Variants in DDX20 observed in about 807,000 individuals in gnomAD.
DDX20 encodes probable ATP-dependent RNA helicase DDX20.
In DDX20, 61 loss-of-function variants were observed where a neutral mutation model predicts 76.4. That is an observed-to-expected ratio of 0.80 (90% CI 0.65 to 0.99). The LOEUF is 0.99. Ranked by LOEUF, DDX20 falls within the 50% of genes least tolerant of loss-of-function variation. The probability of loss-of-function intolerance (pLI) is 0.00; values close to 1 mark genes in which losing one functional copy is unlikely to be tolerated. For synonymous variants in DDX20, 357 were observed against 357.4 expected (o/e 1.00, Z 0.01); for missense variants, 976 against 996.8 (o/e 0.98, Z 0.28).
chr1:111,762,547 C>G, intron 8 of DDX20, 130 bp from the exon 9 acceptor site: 1 of 890,546 alleles, frequency 1.1e-6, no homozygotes, highest in Non-Finnish European at 1.7e-6. Context: ...GAATGAATTT[C>G]CTTTTCCTCT....
chr1:111,756,736 C>G lies in DDX20; in HGVS notation c.392C>G (p.Thr131Ser), dbSNP rs1213548368. Residue 131 changes from threonine (T) to serine (S), a missense_variant, in exon 2 of 11, where the codon ACC becomes AGC. Coordinates refer to ENST00000369702, the MANE Select transcript of DDX20 (RefSeq NM_007204.5). ...TCTCTTGTTCTTGAAAACTTAAGTACCCAGGTGAGTTAGCTGAGAGGACCA... is the reference window on the plus strand; with the variant it reads ...TCTCTTGTTCTTGAAAACTTAAGTAGCCAGGTGAGTTAGCTGAGAGGACCA... ...LDSLVLENLS[T>S]QILILAPTRE... The G allele has an allele frequency of 6.2e-7, 1 of 1,613,386 alleles. No homozygotes were observed. Among genetic ancestry groups the G allele is most frequent in the Non-Finnish European group, 8.5e-7 (1 of 1,179,382 alleles).
chr1:111,760,873 T>C lies in DDX20; in HGVS notation c.823+25T>C, dbSNP rs370983461. 23 of 1,596,450 alleles carry C rather than the reference T, an allele frequency of 1.4e-5. No homozygotes were observed. The South Asian group carries it at 2.1e-4, about 14-fold the overall frequency. On this transcript the variant is annotated intron_variant, in intron 5 of 10. Coordinates refer to ENST00000369702, the MANE Select transcript of DDX20 (RefSeq NM_007204.5). The stretch of plus-strand genomic sequence containing the variant: ...GGTGTGTACAGCTTTTAGGTACTTA[T>C]ATTATTGGTTTATTTGTGATATGCT...
chr1:111,763,495 C>T (rs1012727095), intron 10 of DDX20, among the ~76,000 whole-genome samples: 1 of 151,716 alleles, frequency 6.6e-6, no homozygotes, highest in African/African-American at 2.4e-5. Context: ...TCGCTTGAAC[C>T]CAGGAGGTGG....
Position 111,762,976 on chromosome 1 carries a change from G to T in DDX20, c.1281G>T (p.Gln427His). Residue 427 changes from glutamine to histidine, a missense_variant, in exon 10 of 11, where the codon CAG becomes CAT. Gln to His is a conservative substitution (Grantham distance 24). Transcript: ENST00000369702. ...AAAATATGATGATGAGAATTGCCCA[G>T]AAATGTAATATCAACCTTCTCCCTT... ...EEENMMMRIAQKCNINLLPLP... is the reference protein window; with the variant it reads ...EEENMMMRIAHKCNINLLPLP... 1 of 1,613,882 alleles carries T rather than the reference G, an allele frequency of 6.2e-7. No individual in the cohort carries two copies. The highest frequency in any genetic ancestry group is 8.5e-7 in the Non-Finnish European group (1 of 1,179,816).
intron 8 of DDX20, 96 bp downstream of exon 8, chr1:111,762,433 C>T: frequency 9.8e-7 from 1 of 1,022,236 alleles, no homozygotes; most frequent in Non-Finnish European, 1.5e-6. Flanking sequence ...GTAGGCGTAT[C>T]TAACAAGAAT....
chr1:111,761,994 C>T, intron 7 of DDX20: 1 of 310,366 alleles, frequency 3.2e-6, no homozygotes, highest in Non-Finnish European at 5.9e-6. Context: ...TGTAACTTTG[C>T]AAATAGAATG....
chr1:111,762,475 G>T, intron 8 of DDX20, 138 bp downstream of exon 8: 1 of 853,578 alleles, frequency 1.2e-6, no homozygotes. Context: ...CAGTGCTGAG[G>T]AAAATACTTT....
intron 10 of DDX20, among the ~76,000 whole-genome samples, chr1:111,763,729 T>C (rs942253986): frequency 2.0e-5 from 3 of 152,242 alleles, no homozygotes; most frequent in Admixed American, 1.3e-4. Flanking sequence ...TTTGTCACCA[T>C]GTGGAAAGAA....
Position 111,760,995 on chromosome 1 carries a change from C to G in DDX20, c.832C>G (p.Gln278Glu). The change falls in exon 6 of 11, where the codon CAG becomes GAG. Residue 278 changes from glutamine (Q) to glutamate (E), a missense_variant. Gln to Glu is a conservative substitution (Grantham distance 29, BLOSUM62 2). Coordinates refer to ENST00000369702, the MANE Select transcript of DDX20 (RefSeq NM_007204.5). ...SSDPSLIGLK[Q>E]YYKVVNSYPL... is the part of the protein sequence containing the mutation. ...ATAGCTCTTCTTTGTAGGTTTGAAG[C>G]AGTATTACAAAGTTGTCAATTCATA... 2.5e-6 allele frequency: 4 copies of G among 1,612,644 alleles called. No individual in the cohort carries two copies. The highest frequency in any genetic ancestry group is 3.4e-6 in the Non-Finnish European group (4 of 1,179,594).
intron 3 of DDX20, among the ~76,000 whole-genome samples, chr1:111,760,009 T>G (rs197403): frequency 0.036 from 5,312 of 149,482 alleles, 315 homozygotes; most frequent in African/African-American, 0.13. Flanking sequence ...ATGAAGAGCA[T>G]TAGACCAGTG....
chr1:111,762,161 A>G (rs1038851847), intron 7 of DDX20, 94 bp from the exon 8 acceptor site: 2 of 911,748 alleles, frequency 2.2e-6, no homozygotes, highest in Non-Finnish European at 3.4e-6. Flanking sequence ...TAAAAGTGTT[A>G]AGACTGGGTG....
Position 111,766,767 on chromosome 1 carries a change from C to T in DDX20, c.2343C>T (p.Tyr781=), listed in dbSNP as rs528164028. The change falls in exon 11 of 11, where the codon TAC becomes TAT. Residue 781 remains tyrosine (Y), a synonymous_variant. Coordinates refer to ENST00000369702, the MANE Select transcript of DDX20 (RefSeq NM_007204.5). ...ATGAGGAGTACTGGAGAGCTTACTA[C>T]AGGGCATGGCAAGAATATTATGCTG... The part of the protein sequence containing the change: ...QDYEEYWRAY[Y]RAWQEYYAAA... The T allele has an allele frequency of 2.5e-6, 4 of 1,614,152 alleles. No individual in the cohort carries two copies.
At chr1:111,756,309 A>T in intron 1 of DDX20, 84 bp downstream of exon 1, 1 of 1,335,258 alleles carries the variant, frequency 7.5e-7, no homozygotes, top group Non-Finnish European at 9.7e-7. Flanking sequence ...CCCGCGCCGC[A>T]GCTCAGGAAG....
chr1:111,759,676 A>G, intron 3 of DDX20, 108 bp downstream of exon 3: 1 of 1,252,858 alleles, frequency 8.0e-7, no homozygotes, highest in Non-Finnish European at 1.1e-6. Context: ...AATTATTTTG[A>G]TTAGAAATGA....
intron 8 of DDX20, 88 bp downstream of exon 8, chr1:111,762,425 A>T (rs1663692222): frequency 9.3e-7 from 1 of 1,080,184 alleles, no homozygotes; most frequent in African/African-American, 1.6e-5. Flanking sequence ...TATTTTATGT[A>T]GGCGTATCTA....
Position 111,766,129 on chromosome 1 carries a change from C to A in DDX20, c.1705C>A (p.Pro569Thr), listed in dbSNP as rs1663773610. ...TCAGCACCAGGTCAAAGAAGCTTTA[C>A]CTGTGTCACTCCCCCAGATTCCTTG... ...NSQHQVKEALPVSLPQIPCLS... is the reference protein window; with the variant it reads ...NSQHQVKEALTVSLPQIPCLS... The change falls in exon 11 of 11, where the codon CCT becomes ACT. Residue 569 changes from proline to threonine, a missense_variant. Pro to Thr is a conservative substitution (Grantham distance 38, BLOSUM62 -1). Around this residue, in one of 3 missense-constraint regions of DDX20, gnomAD observed 630 missense variants for 693.7 expected, o/e 0.91. Coordinates refer to ENST00000369702, the MANE Select transcript of DDX20 (RefSeq NM_007204.5). 1 of 1,614,170 alleles carries A rather than the reference C, an allele frequency of 6.2e-7. No homozygotes were observed. Among genetic ancestry groups the A allele is most frequent in the Non-Finnish European group, 8.5e-7 (1 of 1,180,020 alleles).
At chr1:111,757,214 G>A (rs1352943660) in intron 2 of DDX20, among the ~76,000 whole-genome samples, 2 of 152,066 alleles carry the variant, frequency 1.3e-5, no homozygotes, top group African/African-American at 4.8e-5. Context: ...ACCACACCTG[G>A]CTAGTTCTTG....
Position 111,766,444 on chromosome 1 carries a change from T to A in DDX20, c.2020T>A (p.Leu674Met). ...CCAGAGCAAAGGAAATAAGTCATAC[T>A]TGGAAGGCTCTTCTGATAATCAGCT... ...SSQSKGNKSYLEGSSDNQLKD... is the reference protein window; with the variant it reads ...SSQSKGNKSYMEGSSDNQLKD... Residue 674 changes from leucine (L) to methionine (M), a missense_variant, in exon 11 of 11, where the codon TTG (leucine) becomes ATG (methionine). Coordinates refer to ENST00000369702, the MANE Select transcript of DDX20 (RefSeq NM_007204.5). The A allele has an allele frequency of 6.2e-7, 1 of 1,614,160 alleles. No individual in the cohort carries two copies.
Position 111,766,565 on chromosome 1 carries a change from C to T in DDX20, c.2141C>T (p.Ser714Leu), listed in dbSNP as rs1557924414. 6.2e-7 allele frequency: 1 copy of T among 1,614,176 alleles called. No homozygotes were observed. Among genetic ancestry groups the T allele is most frequent in the Non-Finnish European group, 8.5e-7 (1 of 1,180,022 alleles). ...CCCAATCCAGAGAAATATCAAGAATCACCTGGAATCCAGATGAAGACAAGA... is the reference window on the plus strand; with the variant it reads ...CCCAATCCAGAGAAATATCAAGAATTACCTGGAATCCAGATGAAGACAAGA... The part of the protein sequence containing the change: ...DTPNPEKYQE[S>L]PGIQMKTRLK... The change falls in exon 11 of 11, where the codon TCA becomes TTA. Residue 714 changes from serine to leucine, a missense_variant. By Grantham distance (145) the Ser-to-Leu change is moderately radical. Transcript: ENST00000369702.
Sources: allele counts gnomAD v4.1 joint callset (sites outside exome capture counted in the v4.1 genomes callset), GRCh38; gene constraint gnomAD v4.1.1; regional missense constraint gnomAD v4.1.1; transcripts MANE v1.5; gene names NCBI Gene and HGNC (gene_info 2026-07-23, HGNC 2026-07-21).